The following ITIH5 variants were observed in gnomAD, a reference collection of about 807,000 sequenced individuals.
The protein encoded by ITIH5 is inter-alpha-trypsin inhibitor heavy chain H5.
Under a neutral mutation model 77.5 loss-of-function variants are expected in ITIH5, and 65 were observed. That is an observed-to-expected ratio of 0.84 (90% confidence interval 0.69 to 1.03). The LOEUF is 1.03. Ranked by LOEUF, ITIH5 falls within the 50% of genes least tolerant of loss-of-function variation. The pLI, the probability that ITIH5 is intolerant of heterozygous loss-of-function variation, is 0.00. For synonymous variants in ITIH5, 525 were observed against 494.3 expected (o/e 1.06, Z -0.82); for missense variants, 1,208 against 1,213.1 (o/e 1.00, Z 0.06).
chr10:7,612,849 A>G (rs1564260023), intron 7 of ITIH5, among the ~76,000 whole-genome samples: 1 of 152,194 alleles, frequency 6.6e-6, no homozygotes, highest in Non-Finnish European at 1.5e-5. Flanking sequence ...TCTGTGATCC[A>G]CAGTGGTCTT....
At chr10:7,620,319 T>C (rs1833453803) in intron 5 of ITIH5, 2 of 152,216 alleles carry the variant, frequency 1.3e-5, no homozygotes, top group Non-Finnish European at 2.9e-5. Context: ...CTCACAGTCT[T>C]CTTGAGTGAA....
rs1177439362 is a variant in ITIH5, at chr10:7,623,405, AC to A, written c.653-6124del. Among the ~76,000 whole-genome samples, 5 of 152,198 alleles carry A rather than the reference AC, an allele frequency of 3.3e-5. No individual in the cohort carries two copies. In the East Asian group the frequency reaches 9.6e-4, roughly 29 times the overall value. On this transcript the variant is annotated intron_variant, in intron 5 of 13. Coordinates refer to ENST00000397146, the MANE Select transcript of ITIH5 (RefSeq NM_030569.7). Reference sequence around the variant, plus strand: ...AAATACTGTGAATAATTGGAGCACTACCCTCTGAGGGTGGCAATAAAGATAA... The same window carrying A: ...AAATACTGTGAATAATTGGAGCACTACCTCTGAGGGTGGCAATAAAGATAA...
intron 7 of ITIH5, among the ~76,000 whole-genome samples, chr10:7,586,980 G>A (rs1304141959): frequency 3.9e-5 from 6 of 152,136 alleles, no homozygotes; most frequent in East Asian, 1.9e-4. Flanking sequence ...ACAGGTGCAC[G>A]CCACCACGTC....
At chr10:7,640,475 C>G (rs1480229795) in intron 4 of ITIH5, among the ~76,000 whole-genome samples, 1 of 77,964 alleles carries the variant, frequency 1.3e-5, no homozygotes, top group Non-Finnish European at 2.8e-5. Context: ...GACCTCATTC[C>G]AAAAAAAAAA....
In ITIH5 at chr10:7,566,156, G is replaced by C. The variant is rs2130937806; in HGVS notation, c.2401C>G (p.Gln801Glu). ...SANANVTVTI[Q>E]GSIAFVILIH... is the part of the protein sequence containing the mutation. ...AGGATGACAAAGGCTATGGAGCCCT[G>C]GATGGTGACGGTGACATTGGCGTTG... is the stretch of plus-strand genomic sequence containing the variant. Residue 801 changes from glutamine to glutamate, a missense_variant, in exon 13 of 14, where the codon CAG becomes GAG. Coordinates refer to ENST00000397146, the MANE Select transcript of ITIH5 (RefSeq NM_030569.7). 6.2e-7 allele frequency: 1 copy of C among 1,614,108 alleles called. No homozygotes were observed. The highest frequency in any genetic ancestry group is 8.5e-7 in the Non-Finnish European group (1 of 1,180,014).
chr10:7,656,081 T>G (rs993853108), intron 1 of ITIH5, among the ~76,000 whole-genome samples: 2 of 152,200 alleles, frequency 1.3e-5, no homozygotes, highest in African/African-American at 4.8e-5. Flanking sequence ...TTAATTCCAG[T>G]GGGCTCACTA....
chr10:7,629,260 C>T (rs1223901458), intron 5 of ITIH5, among the ~76,000 whole-genome samples: 2 of 92,536 alleles, frequency 2.2e-5, no homozygotes, highest in African/African-American at 3.6e-5. Context: ...CATGTTGTAG[C>T]GTGTGTCCAT....
intron 5 of ITIH5, among the ~76,000 whole-genome samples, chr10:7,623,240 G>C (rs932075545): frequency 5.3e-5 from 8 of 152,166 alleles, no homozygotes; most frequent in African/African-American, 1.9e-4. Context: ...CCAACACCTG[G>C]TGCATTGACA....
chr10:7,639,270 T>C (rs1419324949), intron 4 of ITIH5, among the ~76,000 whole-genome samples: 1 of 152,216 alleles, frequency 6.6e-6, no homozygotes, highest in Non-Finnish European at 1.5e-5. Flanking sequence ...AATAGAGCAG[T>C]GTTCAGACAG....
chr10:7,593,910 C>T (rs2130992376), intron 7 of ITIH5, among the ~76,000 whole-genome samples: 1 of 152,380 alleles, frequency 6.6e-6, no homozygotes, highest in East Asian at 1.9e-4. Context: ...CTTGCCTTCC[C>T]ACCTCCAATG....
chr10:7,616,491 G>A (rs923367590), intron 6 of ITIH5, among the ~76,000 whole-genome samples: 14 of 151,948 alleles, frequency 9.2e-5, no homozygotes, highest in South Asian at 2.1e-4. Flanking sequence ...CCTGTCTCTG[G>A]AACAATAAGA....
At position 7,624,851 on chromosome 10, in the gene ITIH5, AT is replaced by A. The variant is rs571865903; in HGVS notation, c.653-7570del. 9.1e-5 allele frequency among the ~76,000 whole-genome samples: 10 copies of A among 109,916 alleles called. 1 individual carries two copies. The East Asian group carries it at 2.8e-3, about 30-fold the overall frequency. 72.1% of individuals were successfully genotyped at this position (109,916 alleles called of 152,430 possible). On this transcript the variant is annotated intron_variant, in intron 5 of 13. Coordinates refer to ENST00000397146, the MANE Select transcript of ITIH5 (RefSeq NM_030569.7). ...TGTATATACATGTATATACACATATATATGTGTATATATGTATATATGTATG... is the reference window on the plus strand; with the variant it reads ...TGTATATACATGTATATACACATATAATGTGTATATATGTATATATGTATG...
intron 1 of ITIH5, among the ~76,000 whole-genome samples, chr10:7,660,906 C>T (rs904272526): frequency 1.2e-4 from 18 of 152,362 alleles, no homozygotes; most frequent in Middle Eastern, 3.4e-3. Flanking sequence ...GGTCCCATAA[C>T]ACAGGTGTCT....
chr10:7,559,659 A>G lies in ITIH5; in HGVS notation c.*3424T>C. On this transcript the variant is annotated 3_prime_UTR_variant, in exon 14 of 14. Transcript: ENST00000397146. ...CAGCTTGGGCTGCCTTAACAAGAATACCACAGACTTGAGTAGCTTAAACAA... is the reference window on the plus strand; with the variant it reads ...CAGCTTGGGCTGCCTTAACAAGAATGCCACAGACTTGAGTAGCTTAAACAA... 3.1e-6 allele frequency: 1 copy of G among 324,266 alleles called. No individual in the cohort carries two copies. The highest frequency in any genetic ancestry group is 6.0e-6 in the Non-Finnish European group (1 of 166,804). The allele number at this position is 324,266 out of a possible 1,614,324, so 20.1% of individuals were successfully genotyped here. A position where few individuals can be genotyped will look rare whatever the true frequency, so the allele number is the denominator to read the frequency against.
At chr10:7,609,498 G>A (rs746148914) in intron 7 of ITIH5, 5 of 456,620 alleles carry the variant, frequency 1.1e-5, no homozygotes, top group Non-Finnish European at 2.2e-5. Context: ...CAATGTCCTA[G>A]AGCATAAAGT....
rs370688896 is a variant in ITIH5 at position 7,586,088 on chromosome 10, A to G, written c.940-19T>C. ...CCTTGGTCTAGGCAAACACAAAAGCAAAACCAGTCACAGCTGCTCACATAA... is the reference window on the plus strand; with the variant it reads ...CCTTGGTCTAGGCAAACACAAAAGCGAAACCAGTCACAGCTGCTCACATAA... On this transcript the variant is annotated intron_variant, in intron 7 of 13. Transcript: ENST00000397146. 9.3e-6 allele frequency: 15 copies of G among 1,606,446 alleles called. No individual in the cohort carries two copies. The African/African-American group carries it at 1.9e-4, about 20-fold the overall frequency.
chr10:7,604,427 G>C (rs1159780856), intron 7 of ITIH5, among the ~76,000 whole-genome samples: 1 of 152,208 alleles, frequency 6.6e-6, no homozygotes, highest in Non-Finnish European at 1.5e-5. Context: ...CCAGCGAGTG[G>C]TAACTCTCCT....
rs541001933 is a variant in ITIH5 at position 7,585,983 on chromosome 10, T to C, written c.1026A>G (p.Val342=). The C allele has an allele frequency of 3.1e-6, 5 of 1,614,146 alleles. No individual in the cohort carries two copies. The highest frequency in any genetic ancestry group is 1.6e-4 in the Middle Eastern group (1 of 6,062). Residue 342 remains valine (V), a synonymous_variant, in exon 8 of 14, where the codon GTA becomes GTG. Coordinates refer to ENST00000397146, the MANE Select transcript of ITIH5 (RefSeq NM_030569.7). ...SIIGFSNRIK[V]WKDHLISVTP... is the part of the protein sequence containing the mutation. ...TGACTGATATCAAGTGGTCCTTCCA[T>C]ACTTTGATCCGGTTGGAAAATCCAA...
chr10:7,601,642 G>A (rs1361159892), intron 7 of ITIH5, among the ~76,000 whole-genome samples: 1 of 152,022 alleles, frequency 6.6e-6, no homozygotes, highest in East Asian at 1.9e-4. Context: ...CTTCCAGGTG[G>A]CCCCAGGAAT....
Sources: allele counts gnomAD v4.1 joint callset (sites outside exome capture counted in the v4.1 genomes callset), GRCh38; gene constraint gnomAD v4.1.1; transcripts MANE v1.5; gene names NCBI Gene and HGNC (gene_info 2026-07-23, HGNC 2026-07-21).